The following ERBB4 variants were observed in gnomAD, a reference collection of about 807,000 sequenced individuals.
ERBB4 encodes the protein receptor tyrosine-protein kinase erbB-4.
ERBB4 carries 42 observed loss-of-function variants against 158.0 expected under a neutral mutation model. That is an observed-to-expected ratio of 0.27 (90% CI 0.21 to 0.34). The LOEUF is 0.34. Ranked by LOEUF, ERBB4 falls within the 10% of genes least tolerant of loss-of-function variation. The pLI, the probability that ERBB4 is intolerant of heterozygous loss-of-function variation, is 1.00. For missense variants in ERBB4, 1,333 were observed against 1,624.1 expected (o/e 0.82, Z 3.08); for synonymous variants, 583 against 558.7 (o/e 1.04, Z -0.61).
At chr2:212,005,446 A>C (rs1276432424) in intron 2 of ERBB4, among the ~76,000 whole-genome samples, 1 of 152,208 alleles carries the variant, frequency 6.6e-6, no homozygotes, top group Non-Finnish European at 1.5e-5. Flanking sequence ...AGGAAATTAC[A>C]ATATGATGTA....
rs1328193395 is a variant in ERBB4, at chr2:212,320,897, A to G, written c.83-195994T>C. Among the ~76,000 whole-genome samples, 3 of 150,302 alleles carry G rather than the reference A, an allele frequency of 2.0e-5. No individual in the cohort carries two copies. The East Asian group carries it at 5.8e-4, about 29-fold the overall frequency. On this transcript the variant is annotated intron_variant, in intron 1 of 27. Transcript: ENST00000342788. ...TATATTATTATTATTACTTGACTCC[A>G]AAGTCTTGTTTGGTAAGAAAACGAA...
chr2:211,534,085 T>C lies in ERBB4; in HGVS notation c.2487+27818A>G, dbSNP rs559896975. On this transcript the variant is annotated intron_variant, in intron 20 of 27. Coordinates refer to ENST00000342788, the MANE Select transcript of ERBB4 (RefSeq NM_005235.3). ...GGTGTGATTTTTTCTTATCTGCCCT[T>C]AGCAAATAATCCTTTCAGTTTTAAA... Among the ~76,000 whole-genome samples, 130 of 152,260 alleles carry C rather than the reference T, an allele frequency of 8.5e-4. No homozygotes were observed. The Middle Eastern group carries it at 0.02, about 24-fold the overall frequency.
intron 2 of ERBB4, among the ~76,000 whole-genome samples, chr2:211,951,599 G>C (rs917806339): frequency 1.3e-5 from 2 of 151,774 alleles, no homozygotes; most frequent in Admixed American, 1.3e-4. Flanking sequence ...CTCATTTCAG[G>C]GTGTGTATTA....
chr2:211,791,521 A>T (rs1377761546), intron 3 of ERBB4, among the ~76,000 whole-genome samples: 1 of 151,900 alleles, frequency 6.6e-6, no homozygotes, highest in Non-Finnish European at 1.5e-5. Context: ...AGCTAAAAAA[A>T]AAATGTTGAA....
At chr2:211,651,741 T>C (rs2070996361) in intron 16 of ERBB4, among the ~76,000 whole-genome samples, 1 of 152,148 alleles carries the variant, frequency 6.6e-6, no homozygotes, top group Admixed American at 6.6e-5. Flanking sequence ...TACACATGGC[T>C]GGCTAAGAGT....
chr2:212,275,796 C>T (rs934429756), intron 1 of ERBB4, among the ~76,000 whole-genome samples: 1 of 151,796 alleles, frequency 6.6e-6, no homozygotes, highest in Non-Finnish European at 1.5e-5. Context: ...CAACTAGCAT[C>T]ATAATGACAG....
chr2:211,824,271 TA>T (rs1359655363), intron 3 of ERBB4, among the ~76,000 whole-genome samples: 2 of 152,044 alleles, frequency 1.3e-5, no homozygotes, highest in African/African-American at 4.8e-5. Flanking sequence ...TAAGTCCCCT[TA>T]AAGGACTGCT....
intron 22 of ERBB4, among the ~76,000 whole-genome samples, chr2:211,427,909 A>G (rs375662606): frequency 2.0e-4 from 30 of 150,656 alleles, no homozygotes; most frequent in African/African-American, 6.6e-4. Context: ...ATCTTAGCAG[A>G]AATATTAGTA....
chr2:212,059,888 A>C (rs1033834825), intron 2 of ERBB4, among the ~76,000 whole-genome samples: 3 of 152,228 alleles, frequency 2.0e-5, no homozygotes, highest in Non-Finnish European at 4.4e-5. Context: ...ATGGGCAAGC[A>C]CTTCATGTCT....
intron 1 of ERBB4, chr2:212,125,188 A>C (rs954356497): frequency 3.2e-6 from 1 of 313,350 alleles, no homozygotes. Flanking sequence ...ATATAAAGCA[A>C]GTAAATACAT....
chr2:212,035,733 C>T (rs2076997920), intron 2 of ERBB4, among the ~76,000 whole-genome samples: 1 of 152,152 alleles, frequency 6.6e-6, no homozygotes, highest in South Asian at 2.1e-4. Context: ...TCTTCAGAAT[C>T]TAACAGTCCC....
intron 2 of ERBB4, among the ~76,000 whole-genome samples, chr2:211,988,889 G>A (rs1476385458): frequency 1.3e-5 from 2 of 151,902 alleles, no homozygotes; most frequent in Non-Finnish European, 2.9e-5. Context: ...GTGCTCCTAC[G>A]ATCATGCATA....
At chr2:211,888,404 C>G (rs935491007) in intron 3 of ERBB4, among the ~76,000 whole-genome samples, 1 of 152,228 alleles carries the variant, frequency 6.6e-6, no homozygotes, top group South Asian at 2.1e-4. Flanking sequence ...ATATATTTCA[C>G]AAGAATGTAT....
At chr2:211,990,406 A>C (rs760552122) in intron 2 of ERBB4, among the ~76,000 whole-genome samples, 2 of 152,022 alleles carry the variant, frequency 1.3e-5, no homozygotes, top group Non-Finnish European at 2.9e-5. Flanking sequence ...CTATCTTAAC[A>C]TTCAGATTAT....
At chr2:212,299,180 G>T (rs182128027) in intron 1 of ERBB4, among the ~76,000 whole-genome samples, 273 of 151,654 alleles carry the variant, frequency 1.8e-3, no homozygotes, top group Admixed American at 3.2e-3. Flanking sequence ...TACAAGAAAT[G>T]ACTAACAAAT....
chr2:211,942,060 G>A (rs1209263840), intron 3 of ERBB4, among the ~76,000 whole-genome samples: 3 of 151,984 alleles, frequency 2.0e-5, no homozygotes, highest in Non-Finnish European at 4.4e-5. Context: ...GATTTTTTCT[G>A]ATTTCACAAT....
chr2:212,058,630 T>C (rs905055015), intron 2 of ERBB4, among the ~76,000 whole-genome samples: 6 of 152,134 alleles, frequency 3.9e-5, no homozygotes, highest in Non-Finnish European at 8.8e-5. Flanking sequence ...GCAAGGCTGG[T>C]TCAACATACG....
intron 16 of ERBB4, among the ~76,000 whole-genome samples, chr2:211,650,129 T>C (rs1323613940): frequency 1.3e-5 from 2 of 152,000 alleles, no homozygotes; most frequent in African/African-American, 4.8e-5. Context: ...ATAGAAAATA[T>C]GAAAAAAGGT....
chr2:211,848,032 G>T (rs1027632335), intron 3 of ERBB4, among the ~76,000 whole-genome samples: 1 of 152,088 alleles, frequency 6.6e-6, no homozygotes, highest in African/African-American at 2.4e-5. Context: ...AGGCCGTCTG[G>T]CTTAAGACCC....
Sources: gnomAD v4.1 joint callset for allele counts (sites outside exome capture counted in the v4.1 genomes callset) on GRCh38, gnomAD v4.1.1 for gene constraint, MANE v1.5 for transcripts, NCBI Gene and HGNC (gene_info 2026-07-23, HGNC 2026-07-21) for gene names.